The following KALRN variants were observed in gnomAD, a reference collection of about 807,000 sequenced individuals.
The protein encoded by KALRN is kalirin RhoGEF kinase.
Under a neutral mutation model 353.7 loss-of-function variants are expected in KALRN, and 70 were observed. That is an observed-to-expected ratio of 0.20 (90% confidence interval 0.16 to 0.24). The LOEUF (loss-of-function observed/expected upper bound fraction) is 0.24, where lower values mean the gene tolerates loss of function less well. KALRN is among the 10% of genes least tolerant of loss of function. KALRN has a pLI of 1.00. For synonymous variants in KALRN, 1,391 were observed against 1,434.8 expected (o/e 0.97, Z 0.69); for missense variants, 2,791 against 3,756.7 (o/e 0.74, Z 6.72).
At chr3:124,490,923 T>A in intron 30 of KALRN, 39 bp downstream of exon 30, 1 of 1,559,618 alleles carries the variant, frequency 6.4e-7, no homozygotes, top group Non-Finnish European at 8.7e-7. Flanking sequence ...ACTCCCTGCT[T>A]TCATAGAACC....
intron 1 of KALRN, among the ~76,000 whole-genome samples, chr3:124,137,215 G>GTGTACAACACTGT (rs2066033407): frequency 6.6e-6 from 1 of 152,122 alleles, no homozygotes; most frequent in Non-Finnish European, 1.5e-5. Flanking sequence ...ATTTACTTAC[G>GTGTACAACACTGT]TGTACAACAC....
chr3:124,606,110 T>G (rs1362488421), intron 34 of KALRN, among the ~76,000 whole-genome samples: 1 of 152,234 alleles, frequency 6.6e-6, no homozygotes, highest in East Asian at 1.9e-4. Flanking sequence ...ATGCATCTGT[T>G]CAGCAAATTT....
chr3:124,499,966 A>G (rs1015664731), intron 33 of KALRN, among the ~76,000 whole-genome samples: 5 of 152,214 alleles, frequency 3.3e-5, no homozygotes, highest in African/African-American at 1.2e-4. Flanking sequence ...TCTACATAAA[A>G]TGGGTCCTAT....
At chr3:124,651,226 A>C (rs74805860) in intron 38 of KALRN, among the ~76,000 whole-genome samples, 104 of 152,376 alleles carry the variant, frequency 6.8e-4, no homozygotes, top group African/African-American at 2.5e-3. Flanking sequence ...GGAAAATGGC[A>C]AAGTTGAGGA....
At chr3:124,108,787 G>A (rs966444448) in intron 1 of KALRN, among the ~76,000 whole-genome samples, 2 of 152,080 alleles carry the variant, frequency 1.3e-5, no homozygotes, top group Non-Finnish European at 2.9e-5. Flanking sequence ...TTGGGGGGTG[G>A]TTTGTATCTG....
At chr3:124,357,040 G>A (rs949342578) in intron 10 of KALRN, among the ~76,000 whole-genome samples, 2 of 152,176 alleles carry the variant, frequency 1.3e-5, no homozygotes, top group Admixed American at 6.5e-5. Flanking sequence ...CCCTTCCGGT[G>A]TGCTCTTATT....
intron 57 of KALRN, among the ~76,000 whole-genome samples, chr3:124,703,392 T>C (rs1438120291): frequency 1.3e-5 from 2 of 152,242 alleles, no homozygotes; most frequent in East Asian, 3.8e-4. Flanking sequence ...AGATACTATA[T>C]ACAAATGTTA....
intron 5 of KALRN, 71 bp from the exon 6 acceptor site, chr3:124,298,720 T>G: frequency 6.4e-7 from 1 of 1,563,154 alleles, no homozygotes; most frequent in Non-Finnish European, 8.8e-7. Flanking sequence ...CCCCTTCCAC[T>G]AGCTCTGAAA....
chr3:124,170,257 GT>G (rs1260384101), intron 1 of KALRN, among the ~76,000 whole-genome samples: 5 of 152,206 alleles, frequency 3.3e-5, no homozygotes, highest in African/African-American at 1.2e-4. Flanking sequence ...TCTTCTCTGA[GT>G]GTGATGAAGG....
At chr3:124,662,796 C>T (rs1163157599) in intron 45 of KALRN, among the ~76,000 whole-genome samples, 4 of 152,170 alleles carry the variant, frequency 2.6e-5, no homozygotes, top group African/African-American at 9.7e-5. Context: ...TTTCTAGAGG[C>T]TAGAGGTCTG....
intron 7 of KALRN, among the ~76,000 whole-genome samples, chr3:124,328,204 T>C (rs2080122868): frequency 6.6e-6 from 1 of 152,220 alleles, no homozygotes; most frequent in African/African-American, 2.4e-5. Context: ...TATCTTTTTG[T>C]CGCCGTTGTT....
At position 124,468,386 on chromosome 3, in the gene KALRN, A is replaced by G. The variant is rs935164110; in HGVS notation, c.4031+5753A>G. On this transcript the variant is annotated intron_variant, in intron 25 of 59. Coordinates refer to ENST00000682506, the MANE Select transcript of KALRN (RefSeq NM_001388419.1). ...GGCTGCACGGCAGAGCGCTAGCTCCACCAGGTGGTGAGAGAAGGGATGTGC... is the reference window on the plus strand; with the variant it reads ...GGCTGCACGGCAGAGCGCTAGCTCCGCCAGGTGGTGAGAGAAGGGATGTGC... Among the ~76,000 whole-genome samples the G allele has an allele frequency of 2.0e-5, 3 of 152,274 alleles. No individual in the cohort carries two copies. The South Asian group carries it at 6.2e-4, about 32-fold the overall frequency.
intron 6 of KALRN, among the ~76,000 whole-genome samples, chr3:124,321,558 A>G (rs927395920): frequency 2.0e-5 from 3 of 152,222 alleles, no homozygotes; most frequent in South Asian, 2.1e-4. Context: ...CTTTCAGGAC[A>G]ATGACTCTGC....
chr3:124,368,350 C>A (rs1442885931), intron 10 of KALRN, among the ~76,000 whole-genome samples: 1 of 146,872 alleles, frequency 6.8e-6, no homozygotes, highest in African/African-American at 2.6e-5. Context: ...TCAGACGGGG[C>A]GGCCGGGCAG....
chr3:124,357,412 A>T (rs1363031445), intron 10 of KALRN, among the ~76,000 whole-genome samples: 1 of 152,200 alleles, frequency 6.6e-6, no homozygotes, highest in Non-Finnish European at 1.5e-5. Flanking sequence ...CCATCAGGAT[A>T]AAGTTCAAAC....
intron 1 of KALRN, among the ~76,000 whole-genome samples, chr3:124,047,584 C>G (rs151176204): frequency 0.013 from 2,003 of 150,626 alleles, 43 homozygotes; most frequent in African/African-American, 0.046. Context: ...GCTCTGCCCC[C>G]TGGGTTCATG....
intron 57 of KALRN, among the ~76,000 whole-genome samples, chr3:124,707,773 T>A (rs1277569209): frequency 6.6e-6 from 1 of 152,208 alleles, no homozygotes; most frequent in Non-Finnish European, 1.5e-5. Flanking sequence ...GAATCCCATC[T>A]TTCTGGCCAG....
chr3:124,680,017 A>G (rs930743755), intron 51 of KALRN, among the ~76,000 whole-genome samples: 4 of 152,244 alleles, frequency 2.6e-5, no homozygotes, highest in African/African-American at 9.6e-5. Context: ...CAGAAAAATA[A>G]CGGGTGAAGT....
chr3:124,455,682 C>T (rs1490253470), intron 22 of KALRN, among the ~76,000 whole-genome samples: 1 of 152,196 alleles, frequency 6.6e-6, no homozygotes, highest in Non-Finnish European at 1.5e-5. Context: ...ATCTTGGCTT[C>T]ATAAGTACCA....
Sources: allele counts gnomAD v4.1 joint callset (sites outside exome capture counted in the v4.1 genomes callset), GRCh38; gene constraint gnomAD v4.1.1; transcripts MANE v1.5; gene names NCBI Gene and HGNC (gene_info 2026-07-23, HGNC 2026-07-21).